Variants in GMDS observed in about 807,000 individuals in gnomAD.
The protein encoded by GMDS is GDP-mannose 4,6 dehydratase.
In GMDS, 20 loss-of-function variants were observed where a neutral mutation model predicts 49.9. The observed-to-expected ratio is 0.40, with a 90% CI of 0.28 to 0.58. GMDS has a LOEUF of 0.58. Ranked by LOEUF, GMDS falls within the 20% of genes least tolerant of loss-of-function variation. The pLI, the probability that GMDS is intolerant of heterozygous loss-of-function variation, is 0.42. For missense variants in GMDS, 362 were observed against 481.4 expected (o/e 0.75, Z 2.32); for synonymous variants, 177 against 178.6 (o/e 0.99, Z 0.07).
intron 7 of GMDS, among the ~76,000 whole-genome samples, chr6:1,903,236 CT>C (rs1369880891): frequency 6.6e-6 from 1 of 152,152 alleles, no homozygotes; most frequent in Non-Finnish European, 1.5e-5. Flanking sequence ...TAAAATTTAA[CT>C]TTAAAGTCAT....
chr6:2,208,382 T>C (rs889710816), intron 1 of GMDS, among the ~76,000 whole-genome samples: 4 of 152,152 alleles, frequency 2.6e-5, no homozygotes, highest in Non-Finnish European at 2.9e-5. Context: ...GATGACACAA[T>C]TGTCACAAAG....
intron 7 of GMDS, among the ~76,000 whole-genome samples, chr6:1,764,386 G>A (rs1010250852): frequency 6.6e-5 from 10 of 152,268 alleles, no homozygotes; most frequent in Admixed American, 5.9e-4. Flanking sequence ...GATGATAAAG[G>A]ATAGTCTTAA....
rs116451697 is a variant in GMDS at position 1,926,822 on chromosome 6, C to T, written c.771+3281G>A. Among the ~76,000 whole-genome samples, 1,247 of 152,296 alleles carry T rather than the reference C, an allele frequency of 8.2e-3. 16 individuals carry two copies. The highest frequency in any genetic ancestry group is 0.029 in the African/African-American group (1,210 of 41,548). ...ACACATAAATGAGAACTATAAAATGCTTCCTACATCATCAACATATTAGAA... is the reference window on the plus strand; with the variant it reads ...ACACATAAATGAGAACTATAAAATGTTTCCTACATCATCAACATATTAGAA... On this transcript the variant is annotated intron_variant, in intron 7 of 10. Transcript: ENST00000380815.
chr6:2,171,990 A>G (rs971990633), intron 1 of GMDS, among the ~76,000 whole-genome samples: 2 of 152,206 alleles, frequency 1.3e-5, no homozygotes, highest in Non-Finnish European at 1.5e-5. Context: ...GCTTTCCCAG[A>G]CTGTAGAATT....
chr6:1,914,024 T>C (rs1761218866), intron 7 of GMDS, among the ~76,000 whole-genome samples: 1 of 151,708 alleles, frequency 6.6e-6, no homozygotes, highest in African/African-American at 2.4e-5. Context: ...GAAATGCTAC[T>C]AGCAATCCCA....
chr6:1,770,353 T>C (rs573882588), intron 7 of GMDS, among the ~76,000 whole-genome samples: 2 of 152,376 alleles, frequency 1.3e-5, no homozygotes, highest in African/African-American at 4.8e-5. Context: ...CAATTTTGCA[T>C]GTGTTTACTG....
chr6:1,925,788 G>A (rs969812623), intron 7 of GMDS, among the ~76,000 whole-genome samples: 2 of 152,194 alleles, frequency 1.3e-5, no homozygotes, highest in Non-Finnish European at 2.9e-5. Context: ...TATGCCCACG[G>A]ACTAGGTGAG....
chr6:1,820,176 T>C (rs1770835422), intron 7 of GMDS, among the ~76,000 whole-genome samples: 1 of 152,148 alleles, frequency 6.6e-6, no homozygotes, highest in Non-Finnish European at 1.5e-5. Context: ...AAATTATAAA[T>C]AGGGGAAAAG....
At chr6:1,678,754 T>G (rs1229692124) in intron 9 of GMDS, among the ~76,000 whole-genome samples, 2 of 152,272 alleles carry the variant, frequency 1.3e-5, no homozygotes, top group East Asian at 3.9e-4. Context: ...CATGACACAT[T>G]TATAAATTCC....
intron 4 of GMDS, among the ~76,000 whole-genome samples, chr6:1,994,675 T>A (rs1488247170): frequency 1.3e-5 from 2 of 151,948 alleles, no homozygotes; most frequent in South Asian, 2.1e-4. Context: ...AAAAGGACTT[T>A]AGCAAGTATG....
chr6:1,876,484 C>G (rs1178698688), intron 7 of GMDS, among the ~76,000 whole-genome samples: 1 of 152,096 alleles, frequency 6.6e-6, no homozygotes, highest in Non-Finnish European at 1.5e-5. Flanking sequence ...AACTTATGCC[C>G]AGGTTGTCAG....
chr6:2,146,783 T>C (rs1776580507), intron 1 of GMDS, among the ~76,000 whole-genome samples: 1 of 152,152 alleles, frequency 6.6e-6, no homozygotes, highest in South Asian at 2.1e-4. Context: ...GTTGATCTTC[T>C]TTCCTCAGAG....
intron 4 of GMDS, among the ~76,000 whole-genome samples, chr6:1,983,721 C>T (rs993652163): frequency 6.6e-6 from 1 of 152,146 alleles, no homozygotes; most frequent in Non-Finnish European, 1.5e-5. Flanking sequence ...CAAAAAACAA[C>T]AGATGCTGGC....
intron 7 of GMDS, among the ~76,000 whole-genome samples, chr6:1,849,307 A>G (rs1757550952): frequency 6.6e-6 from 1 of 152,344 alleles, no homozygotes; most frequent in South Asian, 2.1e-4. Flanking sequence ...ATCTGGTAAT[A>G]TAAACCTAGG....
intron 7 of GMDS, among the ~76,000 whole-genome samples, chr6:1,759,015 C>T (rs970534247): frequency 2.6e-5 from 4 of 152,150 alleles, no homozygotes; most frequent in East Asian, 1.9e-4. Flanking sequence ...CTCTGCCTCC[C>T]GGGTTCAAGT....
At chr6:1,830,839 A>G (rs1213917335) in intron 7 of GMDS, among the ~76,000 whole-genome samples, 1 of 152,262 alleles carries the variant, frequency 6.6e-6, no homozygotes, top group Non-Finnish European at 1.5e-5. Flanking sequence ...AGAAATATAT[A>G]TAACTCTTAG....
At chr6:1,945,039 G>C (rs923993429) in intron 6 of GMDS, among the ~76,000 whole-genome samples, 11 of 152,138 alleles carry the variant, frequency 7.2e-5, no homozygotes, top group African/African-American at 2.7e-4. Context: ...TGGACTTCAA[G>C]CAGTTTTTCA....
intron 6 of GMDS, among the ~76,000 whole-genome samples, chr6:1,939,596 CACATATACACAT>C (rs1192662427): frequency 6.7e-4 from 56 of 84,102 alleles, no homozygotes; most frequent in East Asian, 2.0e-3. Flanking sequence ...CACACACACA[CACATATACACAT>C]ACACACACAC....
In GMDS at chr6:1,858,038, C is replaced by T. The variant is rs140035205; in HGVS notation, c.771+72065G>A. On this transcript the variant is annotated intron_variant, in intron 7 of 10. Coordinates refer to ENST00000380815, the MANE Select transcript of GMDS (RefSeq NM_001500.4). The stretch of plus-strand genomic sequence containing the variant: ...TCAATGTCACCCTGTGTAAGAGTAA[C>T]GAATGTATTATACTTACGAAGATCT... Among the ~76,000 whole-genome samples, 446 of 152,100 alleles carry T rather than the reference C, an allele frequency of 2.9e-3. 1 individual carries two copies. The highest frequency in any genetic ancestry group is 0.01 in the African/African-American group (423 of 41,472).
Sources: allele counts gnomAD v4.1 joint callset (sites outside exome capture counted in the v4.1 genomes callset), GRCh38; gene constraint gnomAD v4.1.1; transcripts MANE v1.5; gene names NCBI Gene and HGNC (gene_info 2026-07-23, HGNC 2026-07-21).